NTNG1: variants seen among roughly 807,000 people sequenced by gnomAD.
NTNG1 encodes the protein netrin G1.
Under a neutral mutation model 54.0 loss-of-function variants are expected in NTNG1, and 16 were observed. The observed-to-expected ratio is 0.30, with a 90% CI of 0.20 to 0.45. The LOEUF is 0.45. Ranked by LOEUF, NTNG1 falls within the 20% of genes least tolerant of loss-of-function variation. The pLI, the probability that NTNG1 is intolerant of heterozygous loss-of-function variation, is 1.00. For missense variants in NTNG1, 530 were observed against 678.7 expected, an observed-to-expected ratio of 0.78 and a Z score of 2.43; for synonymous variants, 255 against 263.1, an observed-to-expected ratio of 0.97 and a Z score of 0.30.
intron 3 of NTNG1, among the ~76,000 whole-genome samples, chr1:107,380,311 A>C (rs1185493181): frequency 1.3e-5 from 2 of 152,200 alleles, no homozygotes; most frequent in East Asian, 3.8e-4. Flanking sequence ...AAGTTGCCTT[A>C]CTTTGTTTAA....
intron 2 of NTNG1, among the ~76,000 whole-genome samples, chr1:107,297,841 A>T (rs1223490168): frequency 6.6e-6 from 1 of 152,148 alleles, no homozygotes; most frequent in East Asian, 1.9e-4. Flanking sequence ...CGTTTTTAGA[A>T]ATTACCTACT....
chr1:107,395,079 A>G, intron 3 of NTNG1, 75 bp from the exon 4 acceptor site: 1 of 1,172,348 alleles, frequency 8.5e-7, no homozygotes, highest in Non-Finnish European at 1.2e-6. Context: ...GTTTGAGGAG[A>G]CAAATCAGGG....
At chr1:107,273,687 T>C (rs1664295380) in intron 2 of NTNG1, among the ~76,000 whole-genome samples, 1 of 152,202 alleles carries the variant, frequency 6.6e-6, no homozygotes. Context: ...ATGTGAATTA[T>C]GTACTTCCTT....
At chr1:107,447,252 C>A (rs1190946560) in intron 7 of NTNG1, among the ~76,000 whole-genome samples, 23 of 152,006 alleles carry the variant, frequency 1.5e-4, no homozygotes, top group Admixed American at 1.4e-3. Flanking sequence ...TATTCTTTAT[C>A]ATGAAAATCA....
intron 2 of NTNG1, among the ~76,000 whole-genome samples, chr1:107,251,519 G>A (rs1662606586): frequency 6.6e-6 from 1 of 152,020 alleles, no homozygotes; most frequent in African/African-American, 2.4e-5. Flanking sequence ...TAACAAATTG[G>A]TCAACAAATC....
chr1:107,396,082 C>T (rs1672666242), intron 4 of NTNG1, among the ~76,000 whole-genome samples: 1 of 152,130 alleles, frequency 6.6e-6, no homozygotes, highest in African/African-American at 2.4e-5. Context: ...AATAATTTGC[C>T]CAATTCCATG....
chr1:107,480,576 G>GGC, intron 7 of NTNG1, 35 bp from the exon 8 acceptor site: 13 of 339,086 alleles, frequency 3.8e-5, no homozygotes, highest in East Asian at 5.4e-5. Context: ...TCCTCCCCGC[G>GGC]CCCACCCACC....
chr1:107,183,591 T>G (rs1329075033), intron 2 of NTNG1, among the ~76,000 whole-genome samples: 2 of 152,166 alleles, frequency 1.3e-5, no homozygotes, highest in Admixed American at 1.3e-4. Flanking sequence ...TTTGGATGAT[T>G]ATGCCACTTG....
chr1:107,472,757 C>T (rs902305072), intron 7 of NTNG1, among the ~76,000 whole-genome samples: 1 of 151,730 alleles, frequency 6.6e-6, no homozygotes, highest in Admixed American at 6.6e-5. Flanking sequence ...TTTTGTGGGG[C>T]GGGGATGGAT....
At chr1:107,301,963 T>C (rs1666346714) in intron 2 of NTNG1, among the ~76,000 whole-genome samples, 1 of 152,208 alleles carries the variant, frequency 6.6e-6, no homozygotes, top group Non-Finnish European at 1.5e-5. Flanking sequence ...AAAATCATCT[T>C]TGCTTGCTGT....
At chr1:107,236,346 A>G (rs10127588) in intron 2 of NTNG1, among the ~76,000 whole-genome samples, 127,072 of 152,112 alleles carry the variant, frequency 0.84, 55,484 homozygotes, top group Non-Finnish European at 0.95. Context: ...TTTCAGGCAG[A>G]AGGAAGAGGT....
At chr1:107,190,577 T>TC (rs1657829403) in intron 2 of NTNG1, among the ~76,000 whole-genome samples, 1 of 151,926 alleles carries the variant, frequency 6.6e-6, no homozygotes. Context: ...CCCTCTCCAC[T>TC]CCCCCCACCC....
intron 2 of NTNG1, among the ~76,000 whole-genome samples, chr1:107,287,546 G>C (rs1665277011): frequency 6.6e-6 from 1 of 152,182 alleles, no homozygotes; most frequent in Non-Finnish European, 1.5e-5. Context: ...CCAGGAGTTT[G>C]AGGCCAGCCT....
chr1:107,378,177 C>T (rs1226032448), intron 3 of NTNG1, among the ~76,000 whole-genome samples: 3 of 152,134 alleles, frequency 2.0e-5, no homozygotes, highest in African/African-American at 4.8e-5. Flanking sequence ...AGGTCTAAAC[C>T]AACCCTGTGC....
chr1:107,264,198 AC>A (rs1476520033), intron 2 of NTNG1, among the ~76,000 whole-genome samples: 1 of 151,308 alleles, frequency 6.6e-6, no homozygotes, highest in African/African-American at 2.4e-5. Context: ...TCTTAGCCAC[AC>A]CCCCTCCCCT....
chr1:107,363,218 G>C (rs1670397083), intron 3 of NTNG1, among the ~76,000 whole-genome samples: 1 of 152,146 alleles, frequency 6.6e-6, no homozygotes, highest in South Asian at 2.1e-4. Context: ...AAATGACAGG[G>C]CTTATTCATT....
chr1:107,475,053 C>T (rs1301219914), intron 7 of NTNG1, among the ~76,000 whole-genome samples: 1 of 152,120 alleles, frequency 6.6e-6, no homozygotes, highest in African/African-American at 2.4e-5. Flanking sequence ...GGAGCTCTAC[C>T]AAAATGTGGT....
chr1:107,269,635 T>C (rs1664006784), intron 2 of NTNG1, among the ~76,000 whole-genome samples: 1 of 152,216 alleles, frequency 6.6e-6, no homozygotes, highest in African/African-American at 2.4e-5. Flanking sequence ...ATTGAATAAA[T>C]GAATGAATGT....
chr1:107,419,796 G>A (rs760178828), intron 5 of NTNG1, among the ~76,000 whole-genome samples: 11 of 151,944 alleles, frequency 7.2e-5, no homozygotes, highest in Non-Finnish European at 1.6e-4. Flanking sequence ...AGTCAAATTG[G>A]AAGGGCTGCA....
Sources: allele counts gnomAD v4.1 joint callset (sites outside exome capture counted in the v4.1 genomes callset), GRCh38; gene constraint gnomAD v4.1.1; transcripts MANE v1.5; gene names NCBI Gene and HGNC (gene_info 2026-07-23, HGNC 2026-07-21).